Variants in ROR2 observed in about 807,000 individuals in gnomAD.
The protein encoded by ROR2 is tyrosine-protein kinase transmembrane receptor ROR2.
Under a neutral mutation model 74.9 loss-of-function variants are expected in ROR2, and 33 were observed. The ratio of observed to expected loss-of-function variants is 0.44; its 90% CI spans 0.33 to 0.59. The LOEUF is 0.59. ROR2 is among the 20% of genes least tolerant of loss of function. The pLI is 0.02. For synonymous variants in ROR2, 586 were observed against 558.7 expected, an observed-to-expected ratio of 1.05 and a Z score of -0.69; for missense variants, 1,216 against 1,313.8, an observed-to-expected ratio of 0.93 and a Z score of 1.15.
At position 91,745,940 on chromosome 9, in the gene ROR2, C is replaced by T. The variant is rs1441716017; in HGVS notation, c.495-8422G>A. 2.0e-5 allele frequency among the ~76,000 whole-genome samples: 3 copies of T among 152,286 alleles called. No homozygotes were observed. The East Asian group carries it at 5.8e-4, about 29-fold the overall frequency. ...TGAGAAAAAAATTAGACTGGCTTCCCTCCTTCAAGTTCTGTCTGAATTAAG... is the reference window on the plus strand; with the variant it reads ...TGAGAAAAAAATTAGACTGGCTTCCTTCCTTCAAGTTCTGTCTGAATTAAG... On this transcript the variant is annotated intron_variant, in intron 4 of 8. Transcript: ENST00000375708.
intron 1 of ROR2, among the ~76,000 whole-genome samples, chr9:91,915,199 T>G (rs1468215385): frequency 1.3e-5 from 2 of 152,050 alleles, no homozygotes; most frequent in African/African-American, 4.8e-5. Flanking sequence ...GGCCTCCACC[T>G]GGCACAGGAC....
At chr9:91,874,723 G>T (rs1006851877) in intron 1 of ROR2, among the ~76,000 whole-genome samples, 15 of 152,100 alleles carry the variant, frequency 9.9e-5, no homozygotes, top group African/African-American at 3.6e-4. Flanking sequence ...ATCACCTGAG[G>T]TCCCGAGTTT....
At chr9:91,823,162 G>C (rs1320452504) in intron 1 of ROR2, among the ~76,000 whole-genome samples, 1 of 152,144 alleles carries the variant, frequency 6.6e-6, no homozygotes, top group African/African-American at 2.4e-5. Context: ...GGAGAAAGGT[G>C]AATATCAAGT....
At chr9:91,907,182 C>A (rs1216957172) in intron 1 of ROR2, among the ~76,000 whole-genome samples, 1 of 152,112 alleles carries the variant, frequency 6.6e-6, no homozygotes, top group Non-Finnish European at 1.5e-5. Flanking sequence ...AAACAGGAAG[C>A]CATTTGTTCC....
At chr9:91,830,698 A>G (rs1828437902) in intron 1 of ROR2, among the ~76,000 whole-genome samples, 1 of 151,936 alleles carries the variant, frequency 6.6e-6, no homozygotes, top group Admixed American at 6.6e-5. Context: ...AAAAGATAAG[A>G]AAGAATTATG....
intron 1 of ROR2, among the ~76,000 whole-genome samples, chr9:91,882,428 T>C (rs1830139976): frequency 6.9e-6 from 1 of 144,584 alleles, no homozygotes; most frequent in Non-Finnish European, 1.5e-5. Context: ...AAAAAAAAAC[T>C]AGCCCATGAC....
intron 1 of ROR2, among the ~76,000 whole-genome samples, chr9:91,884,891 T>A (rs1056700736): frequency 6.6e-6 from 1 of 152,324 alleles, no homozygotes; most frequent in Admixed American, 6.5e-5. Context: ...CTAAATTAAG[T>A]CATCAACTTC....
intron 1 of ROR2, among the ~76,000 whole-genome samples, chr9:91,892,420 T>C (rs1830442854): frequency 6.6e-6 from 1 of 152,154 alleles, no homozygotes; most frequent in African/African-American, 2.4e-5. Context: ...ATGCCTCAGT[T>C]TTCTCATTTG....
At chr9:91,904,051 T>G (rs370305204) in intron 1 of ROR2, among the ~76,000 whole-genome samples, 4,451 of 93,150 alleles carry the variant, frequency 0.048, 217 homozygotes, top group African/African-American at 0.12. Context: ...TGTTTTTTTT[T>G]GGGGGGGGGG....
At chr9:91,921,136 A>C (rs921929923) in intron 1 of ROR2, among the ~76,000 whole-genome samples, 1 of 152,174 alleles carries the variant, frequency 6.6e-6, no homozygotes, top group African/African-American at 2.4e-5. Context: ...CGGACAGGAG[A>C]AGCACTGTCC....
chr9:91,906,129 C>G (rs764621590), intron 1 of ROR2, among the ~76,000 whole-genome samples: 1 of 152,114 alleles, frequency 6.6e-6, no homozygotes, highest in East Asian at 1.9e-4. Context: ...CTGAAGCTCC[C>G]GTGGCCAGGC....
intron 1 of ROR2, among the ~76,000 whole-genome samples, chr9:91,926,361 C>T (rs1489702537): frequency 3.4e-5 from 5 of 148,994 alleles, no homozygotes; most frequent in East Asian, 2.0e-4. Flanking sequence ...CTAGCCTGGG[C>T]GACAGAGCAA....
intron 1 of ROR2, among the ~76,000 whole-genome samples, chr9:91,787,253 G>A (rs1318718920): frequency 2.0e-5 from 3 of 152,224 alleles, no homozygotes; most frequent in Non-Finnish European, 4.4e-5. Context: ...GCTCACGCCT[G>A]TAATCCCAGC....
chr9:91,867,656 C>CTCTG (rs564755026), intron 1 of ROR2, among the ~76,000 whole-genome samples: 5,603 of 131,316 alleles, frequency 0.043, 211 homozygotes, highest in Admixed American at 0.13. Flanking sequence ...CACCCATGAG[C>CTCTG]TGTGTGTGTG....
chr9:91,787,865 A>G (rs140564951), intron 1 of ROR2, among the ~76,000 whole-genome samples: 31 of 152,336 alleles, frequency 2.0e-4, no homozygotes, highest in African/African-American at 7.0e-4. Flanking sequence ...CTTAACAGAC[A>G]AACACTTTAT....
intron 1 of ROR2, among the ~76,000 whole-genome samples, chr9:91,850,835 A>G (rs968537271): frequency 1.3e-5 from 2 of 152,134 alleles, no homozygotes; most frequent in African/African-American, 2.4e-5. Flanking sequence ...AGATTTACCA[A>G]TTATTTCTAT....
chr9:91,779,840 T>C (rs1826552126), intron 1 of ROR2, among the ~76,000 whole-genome samples: 1 of 152,232 alleles, frequency 6.6e-6, no homozygotes, highest in Non-Finnish European at 1.5e-5. Context: ...TAAAACATTT[T>C]GGAAAATGTT....
Position 91,775,204 on chromosome 9 carries a change from AAC to A in ROR2, c.175+535_175+536del, listed in dbSNP as rs1826378988. ...GACAGGCTATCTGTGGCTATGGGGTAACACTATATGCATTAGCAAACACGTCA... is the reference window on the plus strand; with the variant it reads ...GACAGGCTATCTGTGGCTATGGGGTAACTATATGCATTAGCAAACACGTCA... On this transcript the variant is annotated intron_variant, in intron 2 of 8. Transcript: ENST00000375708. Among the ~76,000 whole-genome samples the A allele has an allele frequency of 3.9e-5, 6 of 152,352 alleles. No individual in the cohort carries two copies. In the South Asian group the frequency reaches 1.2e-3, roughly 32 times the overall value.
At chr9:91,846,666 T>G (rs553638802) in intron 1 of ROR2, among the ~76,000 whole-genome samples, 17 of 151,968 alleles carry the variant, frequency 1.1e-4, no homozygotes, top group Non-Finnish European at 2.2e-4. Context: ...GCCAGAGGTT[T>G]CGGATTTCAA....
Sources: allele counts gnomAD v4.1 joint callset (sites outside exome capture counted in the v4.1 genomes callset), GRCh38; gene constraint gnomAD v4.1.1; transcripts MANE v1.5; gene names NCBI Gene and HGNC (gene_info 2026-07-23, HGNC 2026-07-21).